Variants in PRIMPOL observed in about 807,000 individuals in gnomAD.
PRIMPOL encodes the protein primase and DNA directed polymerase.
Under a neutral mutation model 63.6 loss-of-function variants are expected in PRIMPOL, and 54 were observed. The observed-to-expected ratio is 0.85, with a 90% CI of 0.68 to 1.07. The LOEUF (loss-of-function observed/expected upper bound fraction) is 1.07. Ranked by LOEUF, PRIMPOL falls within the 50% of genes least tolerant of loss-of-function variation. The pLI, the probability that PRIMPOL is intolerant of heterozygous loss-of-function variation, is 0.00. For synonymous variants in PRIMPOL, 197 were observed against 220.2 expected, an observed-to-expected ratio of 0.89 and a Z score of 0.93; for missense variants, 610 against 648.3, an observed-to-expected ratio of 0.94 and a Z score of 0.64.
intron 11 of PRIMPOL, among the ~76,000 whole-genome samples, chr4:184,688,249 C>T (rs1757519616): frequency 6.6e-6 from 1 of 152,116 alleles, no homozygotes; most frequent in Admixed American, 6.5e-5. Context: ...ATTGTTTTCC[C>T]AAATGGGTGT....
intron 2 of PRIMPOL, among the ~76,000 whole-genome samples, chr4:184,653,261 G>A (rs28594349): frequency 0.13 from 19,307 of 152,170 alleles, 1,305 homozygotes; most frequent in Middle Eastern, 0.17. Context: ...ACCATCAAGT[G>A]TCACAGCTGG....
Position 184,672,332 on chromosome 4 carries a change from C to T in PRIMPOL, c.716C>T (p.Thr239Ile), listed in dbSNP as rs924429272. ...SFNKMFTEKA[T>I]EESWTSNSKK... ...AATAAAATGTTCACAGAAAAGGCTA[C>T]AGAGGAAAGCTGGACATCGAATTCA... Residue 239 changes from threonine (T) to isoleucine (I), a missense_variant, in exon 7 of 14, where the codon ACA (threonine) becomes ATA (isoleucine). Thr to Ile is a moderately conservative substitution (Grantham distance 89). Coordinates refer to ENST00000314970, the MANE Select transcript of PRIMPOL (RefSeq NM_152683.4). 1.2e-6 allele frequency: 2 copies of T among 1,614,138 alleles called. No individual in the cohort carries two copies. The highest frequency in any genetic ancestry group is 1.7e-6 in the Non-Finnish European group (2 of 1,180,028).
intron 13 of PRIMPOL, among the ~76,000 whole-genome samples, chr4:184,691,948 A>T (rs1361087805): frequency 2.0e-5 from 3 of 150,604 alleles, no homozygotes; most frequent in African/African-American, 7.3e-5. Flanking sequence ...AATCAGTCCC[A>T]GACATTTAAG....
At chr4:184,676,355 T>C (rs1753361626) in intron 7 of PRIMPOL, among the ~76,000 whole-genome samples, 1 of 60,822 alleles carries the variant, frequency 1.6e-5, no homozygotes, top group East Asian at 4.9e-4. Context: ...TCCTTTTCCT[T>C]CCCTTCTCCT....
At chr4:184,685,260 T>C (rs1375908725) in intron 9 of PRIMPOL, 149 bp from the exon 10 acceptor site, 12 of 621,712 alleles carry the variant, frequency 1.9e-5, no homozygotes, top group Admixed American at 1.4e-4. Context: ...TTCCTTGTAG[T>C]GTCACAAACA....
At chr4:184,667,379 T>C (rs189803802) in intron 6 of PRIMPOL, among the ~76,000 whole-genome samples, 2,878 of 151,586 alleles carry the variant, frequency 0.019, 95 homozygotes, top group African/African-American at 0.065. Context: ...GGCACGTTCT[T>C]GGCTCACTGC....
intron 3 of PRIMPOL, 156 bp downstream of exon 3, chr4:184,657,476 T>A (rs1746794687): frequency 3.5e-6 from 2 of 570,358 alleles, no homozygotes; most frequent in Non-Finnish European, 6.0e-6. Flanking sequence ...ATGGCAATCT[T>A]AATGGCATGT....
intron 4 of PRIMPOL, 24 bp downstream of exon 4, chr4:184,659,461 C>A: frequency 6.7e-7 from 1 of 1,483,906 alleles, no homozygotes; most frequent in Non-Finnish European, 9.4e-7. Context: ...AGCAGAACCA[C>A]ACATTAAGCT....
rs1760149527 is a variant in PRIMPOL at position 184,694,757 on chromosome 4, T to TTA, written c.1664_1665dup (p.Glu556Ter). 6.2e-7 allele frequency: 1 copy of TTA among 1,611,504 alleles called. No homozygotes were observed. Among genetic ancestry groups the TTA allele is most frequent in the Admixed American group, 1.7e-5 (1 of 59,978 alleles). Reference sequence around the variant, plus strand: ...GTGGATGAAATTCCTGATGAACTAATTATAGAAGTATTACAAGAGTAACTA... The same window carrying TTA: ...GTGGATGAAATTCCTGATGAACTAATTATATAGAAGTATTACAAGAGTAACTA... On this transcript the variant is annotated frameshift_variant, in exon 14 of 14. Transcript: ENST00000314970. LOFTEE classifies it high-confidence loss of function.
chr4:184,675,302 G>T (rs551030994), intron 7 of PRIMPOL, among the ~76,000 whole-genome samples: 39 of 152,312 alleles, frequency 2.6e-4, no homozygotes, highest in African/African-American at 8.9e-4. Context: ...GCAAGGGTGT[G>T]TGTATGTTTG....
chr4:184,693,729 T>C (rs1379145343), intron 13 of PRIMPOL, among the ~76,000 whole-genome samples: 1 of 151,936 alleles, frequency 6.6e-6, no homozygotes, highest in African/African-American at 2.4e-5. Context: ...CCACATTGGT[T>C]TTCTCCCTCT....
intron 9 of PRIMPOL, among the ~76,000 whole-genome samples, chr4:184,684,256 G>C (rs1466671732): frequency 6.6e-6 from 1 of 152,104 alleles, no homozygotes; most frequent in Non-Finnish European, 1.5e-5. Context: ...AGGAGTTCAA[G>C]ACCAGCCTGA....
chr4:184,685,430 A>G lies in PRIMPOL; in HGVS notation c.1118A>G (p.Gln373Arg), dbSNP rs780222134. 2 of 1,611,852 alleles carry G rather than the reference A, an allele frequency of 1.2e-6. No individual in the cohort carries two copies. The highest frequency in any genetic ancestry group is 1.3e-5 in the African/African-American group (1 of 75,014). ...GCAGTAGAAACCATTGAAGGTTTTC[A>G]GTGTTCTCCCTATCCTGAAGTTGAT... ...GTSVETIEGF[Q>R]CSPYPEVDHF... The change falls in exon 10 of 14, where the codon CAG becomes CGG. Residue 373 changes from glutamine to arginine, a missense_variant. Physicochemically the swap from Gln to Arg is conservative, Grantham distance 43 (BLOSUM62 1). Coordinates refer to ENST00000314970, the MANE Select transcript of PRIMPOL (RefSeq NM_152683.4).
intron 7 of PRIMPOL, 84 bp downstream of exon 7, chr4:184,672,544 C>G (rs577346176): frequency 2.2e-6 from 3 of 1,373,740 alleles, no homozygotes; most frequent in Non-Finnish European, 3.0e-6. Flanking sequence ...TCACCGTGCT[C>G]GGGATTCTTG....
intron 6 of PRIMPOL, among the ~76,000 whole-genome samples, chr4:184,669,823 C>G (rs986382955): frequency 1.3e-5 from 2 of 152,164 alleles, no homozygotes; most frequent in Non-Finnish European, 2.9e-5. Context: ...CAGCCCCTTT[C>G]CCCTAGAATT....
At chr4:184,685,785 T>C (rs567463800) in intron 11 of PRIMPOL, 101 bp downstream of exon 11, 4 of 584,566 alleles carry the variant, frequency 6.8e-6, no homozygotes, top group Non-Finnish European at 1.1e-5. Flanking sequence ...GTTTTAAAAA[T>C]AAATTTAGTT....
Position 184,691,688 on chromosome 4 carries a change from A to C in PRIMPOL, c.1401A>C (p.Val467=), listed in dbSNP as rs760779832. ...CAGGTTTCCCATTACCTGCTGAAGT[A>C]TGTCTCCTGTTTCTTTTCAAAGAGG... ...KSDCFPLPAE[V]CLLFLFKEEE... is the part of the protein sequence containing the mutation. The change falls in exon 13 of 14, where the codon GTA becomes GTC. Residue 467 remains valine (V), a synonymous_variant. Coordinates refer to ENST00000314970, the MANE Select transcript of PRIMPOL (RefSeq NM_152683.4). The C allele has an allele frequency of 6.2e-7, 1 of 1,612,472 alleles. No individual in the cohort carries two copies. Among genetic ancestry groups the C allele is most frequent in the Admixed American group, 1.7e-5 (1 of 59,992 alleles).
At chr4:184,686,422 A>T (rs1243182486) in intron 11 of PRIMPOL, among the ~76,000 whole-genome samples, 1 of 152,126 alleles carries the variant, frequency 6.6e-6, no homozygotes, top group Non-Finnish European at 1.5e-5. Context: ...TGGAGCTAGG[A>T]TTGTGTTAAC....
intron 1 of PRIMPOL, among the ~76,000 whole-genome samples, chr4:184,651,734 C>T (rs573424833): frequency 2.6e-5 from 4 of 152,228 alleles, no homozygotes; most frequent in Admixed American, 2.6e-4. Flanking sequence ...CTGCAACCTC[C>T]GCCTCCCGGG....
Sources: gnomAD v4.1 joint callset for allele counts (sites outside exome capture counted in the v4.1 genomes callset) on GRCh38, gnomAD v4.1.1 for gene constraint, MANE v1.5 for transcripts, NCBI Gene and HGNC (gene_info 2026-07-23, HGNC 2026-07-21) for gene names.